IDS: variants seen among roughly 807,000 people sequenced by gnomAD.
IDS encodes the protein iduronate 2-sulfatase.
A neutral mutation model predicts 33.5 loss-of-function variants in IDS; 1 was observed. The observed-to-expected ratio is 0.03, with a 90% CI of 0.01 to 0.14. The LOEUF is 0.14. Among genes scored for constraint, IDS ranks in the 10% least tolerant of loss-of-function variants. The probability of loss-of-function intolerance (pLI) is 1.00; values close to 1 mark genes in which losing one functional copy is unlikely to be tolerated. For synonymous variants in IDS, 191 were observed against 184.4 expected (o/e 1.04, Z -0.29); for missense variants, 328 against 448.0 (o/e 0.73, Z 2.42).
chrX:149,485,187 A>G (rs1378021732), intron 8 of IDS, among the ~76,000 whole-genome samples: 1 of 112,358 alleles, frequency 8.9e-6, no homozygotes, highest in African/African-American at 3.2e-5. Flanking sequence ...ACTCAGATCA[A>G]GAAGGGTACA....
Position 149,477,622 on chromosome X carries a change from AAAACCC to A in IDS, c.*5118_*5123del, listed in dbSNP as rs1450581251. 8.8e-6 allele frequency: 1 copy of A among 113,091 alleles called. No individual in the cohort carries two copies. Among genetic ancestry groups the A allele is most frequent in the African/African-American group, 3.2e-5 (1 of 31,098 alleles). 9.3% of individuals were successfully genotyped at this position (113,091 alleles called of 1,213,427 possible). On this transcript the variant is annotated 3_prime_UTR_variant, in exon 9 of 9. Transcript: ENST00000340855. ...TAGCCGGGAAACTCTGATCCCAAAGAAAACCCTTGAGCGTGGGCTCCCCACAACAGA... is the reference window on the plus strand; with the variant it reads ...TAGCCGGGAAACTCTGATCCCAAAGATTGAGCGTGGGCTCCCCACAACAGA...
At chrX:149,502,294 C>G in intron 3 of IDS, 1 of 258,211 alleles carries the variant, frequency 3.9e-6, no homozygotes, top group South Asian at 3.7e-5. Flanking sequence ...CTGGTTTCCC[C>G]TCCCAAAGCA....
intron 8 of IDS, among the ~76,000 whole-genome samples, chrX:149,485,016 C>T (rs1209212392): frequency 2.7e-5 from 3 of 111,724 alleles, no homozygotes; most frequent in Non-Finnish European, 5.6e-5. Context: ...CCATGTAGCA[C>T]ACGTGTCAAA....
rs2089519656 is a variant in IDS, at chrX:149,505,275, CCGCAGGCCCGGGCGCT to C, written c.-154_-139del. ...TGCGCAACACAGCCGCCGCCCGGGC[CCGCAGGCCCGGGCGCT>C]GGCCGCAGCGCGAGTGCGTCCGTGC... is the stretch of plus-strand genomic sequence containing the variant. On this transcript the variant is annotated 5_prime_UTR_variant, in exon 1 of 9. Coordinates refer to ENST00000340855, the MANE Select transcript of IDS (RefSeq NM_000202.8). The C allele has an allele frequency of 9.0e-6, 3 of 334,683 alleles. No homozygotes were observed. Among genetic ancestry groups the C allele is most frequent in the African/African-American group, 2.7e-5 (1 of 36,823 alleles). 27.6% of individuals were successfully genotyped at this position (334,683 alleles called of 1,213,427 possible). A position where few individuals can be genotyped will look rare whatever the true frequency, so the allele number is the denominator to read the frequency against.
chrX:149,486,921 A>G lies in IDS; in HGVS notation c.1180+4T>C, dbSNP rs1557338101. On this transcript the variant is annotated splice_donor_region_variant and intron_variant, in intron 8 of 8. Transcript: ENST00000340855. ...AAGCAATATCATTTCAGCATATTTT[A>G]TACCTGGCTCCATCAACTGTGAGGC... 3 of 1,210,035 alleles carry G rather than the reference A, an allele frequency of 2.5e-6. No individual in the cohort carries two copies. The East Asian group carries it at 8.9e-5, about 36-fold the overall frequency.
chrX:149,500,893 T>C, intron 4 of IDS, 56 bp downstream of exon 4: 6 of 747,826 alleles, frequency 8.0e-6, no homozygotes, highest in Non-Finnish European at 1.1e-5. Flanking sequence ...CCCAGTAGTT[T>C]ATGTGACAAA....
intron 4 of IDS, 102 bp downstream of exon 4, chrX:149,500,847 G>A (rs1387513426): frequency 8.7e-6 from 5 of 577,352 alleles, no homozygotes; most frequent in Non-Finnish European, 1.2e-5. Flanking sequence ...CCACAACTTC[G>A]TGGTATATAA....
intron 8 of IDS, among the ~76,000 whole-genome samples, chrX:149,485,518 C>A (rs2089329113): frequency 8.9e-6 from 1 of 111,829 alleles, no homozygotes; most frequent in African/African-American, 3.3e-5. Context: ...ATTCTCATTT[C>A]TTGAGGACAA....
chrX:149,483,270 T>G, intron 8 of IDS, 52 bp from the exon 9 acceptor site: 1 of 994,611 alleles, frequency 1.0e-6, no homozygotes, highest in Middle Eastern at 3.7e-4. Context: ...AAGCCTGCCA[T>G]GGCCAGGCAG....
chrX:149,498,387 G>T, intron 4 of IDS, 80 bp from the exon 5 acceptor site: 1 of 805,711 alleles, frequency 1.2e-6, no homozygotes, highest in Non-Finnish European at 1.8e-6. Context: ...CAGATTTAAT[G>T]TTCACATAAT....
rs1452872724 is a variant in IDS at position 149,491,503 on chromosome X, A to G, written c.880-1063T>C. 6.4e-6 allele frequency: 6 copies of G among 933,808 alleles called. No individual in the cohort carries two copies. In the African/African-American group the frequency reaches 1.0e-4, roughly 16 times the overall value. 77.0% of individuals were successfully genotyped at this position (933,808 alleles called of 1,213,427 possible). A position where few individuals can be genotyped will look rare whatever the true frequency, so the allele number is the denominator to read the frequency against. Reference sequence around the variant, plus strand: ...CAGCTGGACCCACCAGCTTCTTCTCATCACTGCCAGGGTGAGGACAATCAT... The same window carrying G: ...CAGCTGGACCCACCAGCTTCTTCTCGTCACTGCCAGGGTGAGGACAATCAT... On this transcript the variant is annotated intron_variant, in intron 6 of 8. Coordinates refer to ENST00000340855, the MANE Select transcript of IDS (RefSeq NM_000202.8).
rs948618232 is a variant in IDS at position 149,483,002 on chromosome X, T to A, written c.1397A>T (p.Tyr466Phe). ...CTGAGGGATGTCTGAAGGCCGGGGA[T>A]ACTGGCTATAGGCAATCAGTTCACG... is the stretch of plus-strand genomic sequence containing the variant. ...NPRELIAYSQ[Y>F]PRPSDIPQWN... is the part of the protein sequence containing the mutation. Residue 466 changes from tyrosine (Y) to phenylalanine (F), a missense_variant, in exon 9 of 9, where the codon TAT (tyrosine) becomes TTT (phenylalanine). Tyr to Phe is a conservative substitution (Grantham distance 22). Around this residue, in one of 4 missense-constraint regions of IDS, gnomAD observed 265 missense variants for 339.2 expected, o/e 0.78. Transcript: ENST00000340855. 8.3e-7 allele frequency: 1 copy of A among 1,211,146 alleles called. No individual in the cohort carries two copies. The highest frequency in any genetic ancestry group is 1.8e-5 in the South Asian group (1 of 56,988).
chrX:149,498,072 A>G (rs782309407), intron 5 of IDS, 35 bp downstream of exon 5: 13 of 1,134,929 alleles, frequency 1.1e-5, no homozygotes, highest in Non-Finnish European at 1.6e-5. Flanking sequence ...CAGCTGTCAC[A>G]GCTGTGCTGG....
chrX:149,504,858 G>A (rs2089511497), intron 1 of IDS, among the ~76,000 whole-genome samples, 177 bp downstream of exon 1: 1 of 106,791 alleles, frequency 9.4e-6, no homozygotes, highest in East Asian at 3.0e-4. Flanking sequence ...GGGATGAAGG[G>A]ACGGTAGGAA....
Position 149,482,859 on chromosome X carries a change from A to T in IDS, c.1540T>A (p.Phe514Ile). The T allele has an allele frequency of 8.3e-7, 1 of 1,212,065 alleles. No homozygotes were observed. The highest frequency in any genetic ancestry group is 1.1e-6 in the Non-Finnish European group (1 of 895,555). The change falls in exon 9 of 9, where the codon TTT becomes ATT. Residue 514 changes from phenylalanine to isoleucine, a missense_variant. By Grantham distance (21) the Phe-to-Ile change is conservative. This residue lies in a region of IDS where 265 missense variants were observed against 339.2 expected (regional missense o/e 0.78). Transcript: ENST00000340855. ...AGTTCCCCTGCATGGATGTCAGAAAAGTTAGCTAGAAATTCATCAGGATTG... is the reference window on the plus strand; with the variant it reads ...AGTTCCCCTGCATGGATGTCAGAAATGTTAGCTAGAAATTCATCAGGATTG... ...GFNPDEFLAN[F>I]SDIHAGELYF...
chrX:149,477,736 C>A lies in IDS; in HGVS notation c.*5010G>T, dbSNP rs2088573197. On this transcript the variant is annotated 3_prime_UTR_variant, in exon 9 of 9. Coordinates refer to ENST00000340855, the MANE Select transcript of IDS (RefSeq NM_000202.8). ...GGACAGGGACACCAACGGGAGCTTT[C>A]AGTAACATGTGGAAAGGCAAGACCC... The A allele has an allele frequency of 8.9e-6, 1 of 112,810 alleles. No homozygotes were observed. The highest frequency in any genetic ancestry group is 3.2e-5 in the African/African-American group (1 of 31,020). 9.3% of individuals were successfully genotyped at this position (112,810 alleles called of 1,213,427 possible).
At position 149,478,308 on chromosome X, in the gene IDS, A is replaced by G. The variant is rs782613345; in HGVS notation, c.*4438T>C. On this transcript the variant is annotated 3_prime_UTR_variant, in exon 9 of 9. Coordinates refer to ENST00000340855, the MANE Select transcript of IDS (RefSeq NM_000202.8). The stretch of plus-strand genomic sequence containing the variant: ...AGCAGGGACTCGAACAGATATTTGT[A>G]CATCCTTGTTGACAGCAACATTATT... The G allele has an allele frequency of 2.7e-5, 3 of 112,598 alleles. No homozygotes were observed. The highest frequency in any genetic ancestry group is 5.6e-5 in the Non-Finnish European group (3 of 53,336). 9.3% of individuals were successfully genotyped at this position (112,598 alleles called of 1,213,427 possible).
In IDS at chrX:149,478,045, G is replaced by GA. The variant is rs1177136982; in HGVS notation, c.*4700dup. 7 of 111,980 alleles carry GA rather than the reference G, an allele frequency of 6.3e-5. No homozygotes were observed. Among genetic ancestry groups the GA allele is most frequent in the African/African-American group, 2.3e-4 (7 of 30,823 alleles). 9.2% of individuals were successfully genotyped at this position (111,980 alleles called of 1,213,427 possible). On this transcript the variant is annotated 3_prime_UTR_variant, in exon 9 of 9. Coordinates refer to ENST00000340855, the MANE Select transcript of IDS (RefSeq NM_000202.8). ...AACCTGCAGGATGGACTTGGGAAAG[G>GA]AAAAGGGGCTGAGCCTCTATTTGGG...
intron 2 of IDS, among the ~76,000 whole-genome samples, 197 bp from the exon 3 acceptor site, chrX:149,503,686 T>A (rs782441323): frequency 5.5e-4 from 61 of 111,677 alleles, no homozygotes; most frequent in African/African-American, 1.9e-3. Context: ...AGGGAAGCAA[T>A]CAGCCCCTGA....
Sources: allele counts gnomAD v4.1 joint callset (sites outside exome capture counted in the v4.1 genomes callset), GRCh38; gene constraint gnomAD v4.1.1; regional missense constraint gnomAD v4.1.1; transcripts MANE v1.5; gene names NCBI Gene and HGNC (gene_info 2026-07-23, HGNC 2026-07-21).